The following CELSR2 variants were observed in gnomAD, a reference collection of about 807,000 sequenced individuals.
The protein encoded by CELSR2 is EGF-like protein 2.
In CELSR2, 81 loss-of-function variants were observed where a neutral mutation model predicts 251.6. That is an observed-to-expected ratio of 0.32 (90% CI 0.27 to 0.39). CELSR2 has a LOEUF of 0.39. CELSR2 is among the 10% of genes least tolerant of loss of function. The probability of loss-of-function intolerance (pLI) is 1.00; values close to 1 mark genes in which losing one functional copy is unlikely to be tolerated. For synonymous variants in CELSR2, 1,721 were observed against 1,670.5 expected, an observed-to-expected ratio of 1.03 and a Z score of -0.74; for missense variants, 3,365 against 3,947.7, an observed-to-expected ratio of 0.85 and a Z score of 3.96.
intron 1 of CELSR2, among the ~76,000 whole-genome samples, chr1:109,256,710 C>T (rs190486055): frequency 4.6e-5 from 7 of 152,224 alleles, no homozygotes; most frequent in Non-Finnish European, 7.4e-5. Context: ...GGCGCGATCT[C>T]GGCTCACTGC....
rs757894554 is a variant in CELSR2 at position 109,250,152 on chromosome 1, C to T, written c.73C>T (p.Leu25=). The T allele has an allele frequency of 6.3e-7, 1 of 1,598,364 alleles. No homozygotes were observed. The highest frequency in any genetic ancestry group is 1.1e-5 in the South Asian group (1 of 89,992). Residue 25 remains leucine (L), a synonymous_variant, in exon 1 of 34, where the codon CTG becomes TTG. Coordinates refer to ENST00000271332, the MANE Select transcript of CELSR2 (RefSeq NM_001408.3). This position sits in a 1 kb window ranked among gnomAD's most constrained non-coding sequence, Gnocchi z 4.4. ...GCTGCTGCTGCTGTTGCTGCTGCTG[C>T]TGCCGCCGCCACTATTGGGAGACCA... ...PPLLLLLLLL[L]PPPLLGDQVG...
Position 109,250,884 on chromosome 1 carries a change from C to A in CELSR2, c.805C>A (p.Arg269=). The part of the protein sequence containing the change: ...VTAQDHGMPR[R]SALATLTILV... Reference sequence around the variant, plus strand: ...GGCGCAGGACCACGGCATGCCCCGACGAAGTGCCCTGGCTACACTCACCAT... The same window carrying A: ...GGCGCAGGACCACGGCATGCCCCGAAGAAGTGCCCTGGCTACACTCACCAT... The change falls in exon 1 of 34, where the codon CGA becomes AGA. Residue 269 remains arginine, a synonymous_variant. Coordinates refer to ENST00000271332, the MANE Select transcript of CELSR2 (RefSeq NM_001408.3). The surrounding 1 kb of genome is among the most constrained non-coding windows in gnomAD (Gnocchi z 4.4). 2 of 1,614,018 alleles carry A rather than the reference C, an allele frequency of 1.2e-6. No homozygotes were observed. The highest frequency in any genetic ancestry group is 2.2e-5 in the East Asian group (1 of 44,882).
Position 109,251,326 on chromosome 1 carries a change from C to A in CELSR2, c.1247C>A (p.Ala416Asp), listed in dbSNP as rs1477146717. 6.2e-7 allele frequency: 1 copy of A among 1,614,010 alleles called. No homozygotes were observed. The highest frequency in any genetic ancestry group is 1.3e-5 in the African/African-American group (1 of 74,926). ...VQVREDVTPG[A>D]PVLRVTASDR... ...GTGAGGGAGGATGTGACTCCAGGGG[C>A]CCCAGTACTCCGAGTCACAGCCTCG... The change falls in exon 1 of 34, where the codon GCC becomes GAC. Residue 416 changes from alanine (A) to aspartate (D), a missense_variant. By Grantham distance (126) the Ala-to-Asp change is moderately radical. This residue lies in a region of CELSR2 where 704 missense variants were observed against 784.1 expected (regional missense o/e 0.90). Transcript: ENST00000271332. The surrounding 1 kb of genome is among the most constrained non-coding windows in gnomAD (Gnocchi z 4.9).
rs563679899 is a variant in CELSR2 at position 109,273,743 on chromosome 1, G to T, written c.8744+73G>T. On this transcript the variant is annotated intron_variant, in intron 33 of 33. Transcript: ENST00000271332. The stretch of plus-strand genomic sequence containing the variant: ...TCACCTGGGCCCAGAGCTGCCTCCG[G>T]GCCTCCCCAGGTGACTCTGGATGGC... 69 of 1,209,920 alleles carry T rather than the reference G, an allele frequency of 5.7e-5. No individual in the cohort carries two copies. In the Middle Eastern group the frequency reaches 1.2e-3, roughly 20 times the overall value. 74.9% of individuals were successfully genotyped at this position (1,209,920 alleles called of 1,614,324 possible). A position where few individuals can be genotyped will look rare whatever the true frequency, so the allele number is the denominator to read the frequency against.
chr1:109,268,037 A>G lies in CELSR2; in HGVS notation c.6295A>G (p.Thr2099Ala). ...CCAGCGGGGCTTTGGGCTGTCTGCCACACAGGACGTGCACTTCACTGAGGT... is the reference window on the plus strand; with the variant it reads ...CCAGCGGGGCTTTGGGCTGTCTGCCGCACAGGACGTGCACTTCACTGAGGT... ...STQRGFGLSA[T>A]QDVHFTENLL... Residue 2099 changes from threonine (T) to alanine (A), a missense_variant, in exon 17 of 34, where the codon ACA becomes GCA. Thr to Ala is a moderately conservative substitution (Grantham distance 58). Transcript: ENST00000271332. 6.2e-7 allele frequency: 1 copy of G among 1,604,412 alleles called. No individual in the cohort carries two copies. The highest frequency in any genetic ancestry group is 8.5e-7 in the Non-Finnish European group (1 of 1,177,176).
rs377036999 is a variant in CELSR2 at position 109,251,375 on chromosome 1, C to T, written c.1296C>T (p.Ala432=). ...TASDRDKGSN[A]VVHYSIMSGN... is the part of the protein sequence containing the mutation. ...CGGATCGAGACAAGGGGAGCAATGC[C>T]GTGGTGCACTATAGCATCATGAGTG... Residue 432 remains alanine (A), a synonymous_variant, in exon 1 of 34, where the codon GCC becomes GCT. Transcript: ENST00000271332. This position sits in a 1 kb window ranked among gnomAD's most constrained non-coding sequence, Gnocchi z 4.9. 1.7e-5 allele frequency: 27 copies of T among 1,614,072 alleles called. No individual in the cohort carries two copies. The African/African-American group carries it at 1.9e-4, about 11-fold the overall frequency.
At position 109,263,228 on chromosome 1, in the gene CELSR2, G is replaced by A. The variant is rs376939074; in HGVS notation, c.4795G>A (p.Glu1599Lys). 4 of 1,591,662 alleles carry A rather than the reference G, an allele frequency of 2.5e-6. No homozygotes were observed. Among genetic ancestry groups the A allele is most frequent in the Middle Eastern group, 1.7e-4 (1 of 5,998 alleles). The change falls in exon 8 of 34, where the codon GAG becomes AAG. Residue 1599 changes from glutamate (E) to lysine (K), a missense_variant. Physicochemically the swap from Glu to Lys is moderately conservative, Grantham distance 56. This residue lies in a region of CELSR2 where 2,093 missense variants were observed against 2,382.8 expected (regional missense o/e 0.88). Transcript: ENST00000271332. ...GAACCAGTGGGACGCGTTCAGCTGC[G>A]AGTGCCCCCTGGGCTTTGGGGGCAA... is the stretch of plus-strand genomic sequence containing the variant. ...CVNQWDAFSC[E>K]CPLGFGGKSC...
Position 109,264,250 on chromosome 1 carries a change from G to A in CELSR2, c.5174G>A (p.Arg1725Lys), listed in dbSNP as rs1316164160. ...AILSFDYGQQRAEGNLGPRLH... is the reference protein window; with the variant it reads ...AILSFDYGQQKAEGNLGPRLH... The stretch of plus-strand genomic sequence containing the variant: ...CTGTCCTTCGATTATGGGCAGCAGA[G>A]AGCAGAGGGCAACCTGGGCCCCCGG... Residue 1725 changes from arginine (R) to lysine (K), a missense_variant, in exon 10 of 34, where the codon AGA (arginine) becomes AAA (lysine). This residue lies in a region of CELSR2 where 2,093 missense variants were observed against 2,382.8 expected (regional missense o/e 0.88). Coordinates refer to ENST00000271332, the MANE Select transcript of CELSR2 (RefSeq NM_001408.3). The A allele has an allele frequency of 6.8e-6, 11 of 1,613,888 alleles. No homozygotes were observed. Among genetic ancestry groups the A allele is most frequent in the Non-Finnish European group, 9.3e-6 (11 of 1,180,036 alleles).
rs1655669637 is a variant in CELSR2 at position 109,250,973 on chromosome 1, C to T, written c.894C>T (p.Leu298=). 1 of 1,613,546 alleles carries T rather than the reference C, an allele frequency of 6.2e-7. No homozygotes were observed. The highest frequency in any genetic ancestry group is 8.5e-7 in the Non-Finnish European group (1 of 1,180,000). ...VFEQQEYKES[L]RENLEVGYEV... ...AGCAGCAGGAGTACAAGGAGAGCCT[C>T]AGGGAGAACCTGGAGGTTGGCTATG... Residue 298 remains leucine, a synonymous_variant, in exon 1 of 34, where the codon CTC becomes CTT. Transcript: ENST00000271332. This position sits in a 1 kb window ranked among gnomAD's most constrained non-coding sequence, Gnocchi z 4.4.
Position 109,273,522 on chromosome 1 carries a change from C to G in CELSR2, c.8596C>G (p.Arg2866Gly). 2 of 1,602,324 alleles carry G rather than the reference C, an allele frequency of 1.2e-6. No individual in the cohort carries two copies. Reference sequence around the variant, plus strand: ...CCTGGAGCAATGCACAGGGTCTTCCCGGGGCTCCTCCGCTAGTGAGGGCAG... The same window carrying G: ...CCTGGAGCAATGCACAGGGTCTTCCGGGGGCTCCTCCGCTAGTGAGGGCAG... Reference protein sequence around the residue: ...LPLEQCTGSSRGSSASEGSRG... With the variant: ...LPLEQCTGSSGGSSASEGSRG... The change falls in exon 33 of 34, where the codon CGG (arginine) becomes GGG (glycine). Residue 2866 changes from arginine (R) to glycine (G), a missense_variant. Transcript: ENST00000271332.
chr1:109,251,585 C>A lies in CELSR2; in HGVS notation c.1506C>A (p.Ala502=). ...TVQVLDINDN[A]PIFVSTPFQA... ...AGGTCCTGGATATCAACGACAATGC[C>A]CCCATCTTCGTCAGCACCCCTTTCC... Residue 502 remains alanine (A), a synonymous_variant, in exon 1 of 34, where the codon GCC becomes GCA. Transcript: ENST00000271332. The surrounding 1 kb of genome is among the most constrained non-coding windows in gnomAD (Gnocchi z 4.9). 10 of 1,613,884 alleles carry A rather than the reference C, an allele frequency of 6.2e-6. No individual in the cohort carries two copies. The highest frequency in any genetic ancestry group is 8.5e-6 in the Non-Finnish European group (10 of 1,180,026).
chr1:109,271,800 C>T, intron 28 of CELSR2, 78 bp downstream of exon 28: 1 of 1,529,006 alleles, frequency 6.5e-7, no homozygotes, highest in Non-Finnish European at 8.9e-7. Context: ...ACTTTTGGCC[C>T]CACTCCCCTT....
At chr1:109,267,824 C>G in intron 16 of CELSR2, 27 bp from the exon 17 acceptor site, 1 of 1,590,572 alleles carries the variant, frequency 6.3e-7, no homozygotes, top group Non-Finnish European at 8.6e-7. Flanking sequence ...TGCCCTCACT[C>G]CTGCTCCTCC....
Position 109,268,632 on chromosome 1 carries a change from T to C in CELSR2, c.6370T>C (p.Trp2124Arg). The change falls in exon 18 of 34, where the codon TGG (tryptophan) becomes CGG (arginine). Residue 2124 changes from tryptophan to arginine, a missense_variant. This residue lies in a region of CELSR2 where 2,093 missense variants were observed against 2,382.8 expected (regional missense o/e 0.88). Transcript: ENST00000271332. The part of the protein sequence containing the change: ...ALLDTANKRH[W>R]ELIQQTEGGT... ...CCTGGACACAGCCAACAAGCGGCAC[T>C]GGGAGCTGATCCAGCAGACAGAGGG... 2 of 1,613,858 alleles carry C rather than the reference T, an allele frequency of 1.2e-6. No homozygotes were observed. The highest frequency in any genetic ancestry group is 1.7e-6 in the Non-Finnish European group (2 of 1,179,968).
chr1:109,262,370 A>G lies in CELSR2; in HGVS notation c.4470A>G (p.Gly1490=). 6.2e-7 allele frequency: 1 copy of G among 1,614,180 alleles called. No homozygotes were observed. Among genetic ancestry groups the G allele is most frequent in the East Asian group, 2.2e-5 (1 of 44,888 alleles). Residue 1490 remains glycine, a synonymous_variant, in exon 6 of 34, where the codon GGA becomes GGG. Transcript: ENST00000271332. ...TGACCGTGGATGGCTGTGACACAGG[A>G]GTGGCCTTGCGCTTCGGATCTGTCC... ...AVVTVDGCDT[G]VALRFGSVLG... is the part of the protein sequence containing the mutation.
Position 109,269,029 on chromosome 1 carries a change from G to A in CELSR2, c.6631+21G>A, listed in dbSNP as rs777715713. On this transcript the variant is annotated intron_variant, in intron 19 of 33. Transcript: ENST00000271332. The surrounding 1 kb of genome is among the most constrained non-coding windows in gnomAD (Gnocchi z 6.4). ...CAGAGGTCAGTGGTGGCCATGGATT[G>A]AGTTGGGAGCTGGACCCCAGTGTCT... 3.7e-6 allele frequency: 6 copies of A among 1,605,218 alleles called. No individual in the cohort carries two copies. In the South Asian group the frequency reaches 6.6e-5, roughly 18 times the overall value.
rs1466073414 is a variant in CELSR2, at chr1:109,273,973, C to T, written c.8745-49C>T. ...GCTTTCACTCTCTCCTCTGTTTCAA[C>T]TAACCCTCTGTCTGCCTTTTCTGCC... On this transcript the variant is annotated intron_variant, in intron 33 of 33. Transcript: ENST00000271332. The T allele has an allele frequency of 1.9e-6, 3 of 1,607,654 alleles. No homozygotes were observed. In the East Asian group the frequency reaches 6.7e-5, roughly 36 times the overall value.
Position 109,259,017 on chromosome 1 carries a change from C to T in CELSR2, c.3896C>T (p.Pro1299Leu), listed in dbSNP as rs746480816. 22 of 1,602,046 alleles carry T rather than the reference C, an allele frequency of 1.4e-5. No individual in the cohort carries two copies. Among genetic ancestry groups the T allele is most frequent in the Middle Eastern group, 1.7e-4 (1 of 6,054 alleles). Residue 1299 changes from proline to leucine, a missense_variant, in exon 2 of 34, where the codon CCC becomes CTC. Coordinates refer to ENST00000271332, the MANE Select transcript of CELSR2 (RefSeq NM_001408.3). ...VDLCYSRPCG[P>L]HGRCRSREGG... Reference sequence around the variant, plus strand: ...CTCTGCTACTCGCGGCCCTGTGGCCCCCACGGGCGCTGCCGCAGCCGCGAG... The same window carrying T: ...CTCTGCTACTCGCGGCCCTGTGGCCTCCACGGGCGCTGCCGCAGCCGCGAG...
In CELSR2 at chr1:109,273,551, G is replaced by A; in HGVS notation, c.8625G>A (p.Arg2875=). The A allele has an allele frequency of 6.3e-7, 1 of 1,580,866 alleles. No homozygotes were observed. Among genetic ancestry groups the A allele is most frequent in the Non-Finnish European group, 8.6e-7 (1 of 1,163,920 alleles). The part of the protein sequence containing the change: ...SRGSSASEGS[R]GGPPPRPPPR... ...GCTCCTCCGCTAGTGAGGGCAGCCG[G>A]GGAGGCCCCCCTCCCCGCCCACCGC... Residue 2875 remains arginine, a synonymous_variant, in exon 33 of 34, where the codon CGG becomes CGA. Transcript: ENST00000271332.
Sources: allele counts gnomAD v4.1 joint callset (sites outside exome capture counted in the v4.1 genomes callset), GRCh38; gene constraint gnomAD v4.1.1; regional missense constraint gnomAD v4.1.1; non-coding constraint Gnocchi (gnomAD v3.1); transcripts MANE v1.5; gene names NCBI Gene and HGNC (gene_info 2026-07-23, HGNC 2026-07-21).